The following OSBPL8 variants were observed in gnomAD, a reference collection of about 807,000 sequenced individuals.
OSBPL8 encodes the protein oxysterol binding protein like 8, also known as oxysterol-binding protein-related protein 8.
In OSBPL8, 59 loss-of-function variants were observed where a neutral mutation model predicts 125.5. The observed-to-expected ratio is 0.47, with a 90% CI of 0.38 to 0.58. The LOEUF (loss-of-function observed/expected upper bound fraction) is 0.58. Ranked by LOEUF, OSBPL8 falls within the 20% of genes least tolerant of loss-of-function variation. The probability of loss-of-function intolerance (pLI) is 0.00; values close to 1 mark genes in which losing one functional copy is unlikely to be tolerated. For missense variants in OSBPL8, 758 were observed against 1,047.8 expected (o/e 0.72, Z 3.82); for synonymous variants, 330 against 338.9 (o/e 0.97, Z 0.29).
chr12:76,435,551 T>A (rs1871347320), intron 4 of OSBPL8, among the ~76,000 whole-genome samples: 1 of 152,088 alleles, frequency 6.6e-6, no homozygotes. Context: ...TCACAACACA[T>A]GCCAAAAAAT....
chr12:76,391,392 C>A (rs1224544627), intron 10 of OSBPL8, among the ~76,000 whole-genome samples: 2 of 152,106 alleles, frequency 1.3e-5, no homozygotes, highest in African/African-American at 4.8e-5. Flanking sequence ...AACAAATACC[C>A]ATTCCTCTAT....
At chr12:76,412,513 G>C (rs1868271797) in intron 4 of OSBPL8, among the ~76,000 whole-genome samples, 1 of 151,920 alleles carries the variant, frequency 6.6e-6, no homozygotes, top group South Asian at 2.1e-4. Flanking sequence ...ATGCCACCTA[G>C]TCTATATCCC....
intron 4 of OSBPL8, among the ~76,000 whole-genome samples, chr12:76,431,197 T>C (rs1007993295): frequency 2.6e-5 from 4 of 151,488 alleles, no homozygotes; most frequent in Non-Finnish European, 4.4e-5. Flanking sequence ...GCTATAACTA[T>C]AAAATGTTTT....
At chr12:76,370,618 T>C (rs756785452) in intron 19 of OSBPL8, among the ~76,000 whole-genome samples, 4 of 152,170 alleles carry the variant, frequency 2.6e-5, no homozygotes, top group African/African-American at 4.8e-5. Flanking sequence ...CAAATTATCA[T>C]ATGTATGCCT....
Position 76,397,722 on chromosome 12 carries a change from G to C in OSBPL8, c.644C>G (p.Pro215Arg). ...CACTGCCCAAATAGATTGCTCCAAA[G>C]GATGGAAAAGTTTGAAACAAAAGCC... ...KDGFCFKLFH[P>R]LEQSIWAVKG... is the part of the protein sequence containing the mutation. The change falls in exon 8 of 24, where the codon CCT (proline) becomes CGT (arginine). Residue 215 changes from proline (P) to arginine (R), a missense_variant. Around this residue, in one of 3 missense-constraint regions of OSBPL8, gnomAD observed 69 missense variants for 148.7 expected, o/e 0.46. Coordinates refer to ENST00000261183, the MANE Select transcript of OSBPL8 (RefSeq NM_020841.5). The C allele has an allele frequency of 6.2e-7, 1 of 1,614,000 alleles. No individual in the cohort carries two copies. The highest frequency in any genetic ancestry group is 8.5e-7 in the Non-Finnish European group (1 of 1,179,974).
intron 21 of OSBPL8, among the ~76,000 whole-genome samples, chr12:76,365,774 C>T (rs999346961): frequency 2.0e-5 from 3 of 152,074 alleles, no homozygotes; most frequent in African/African-American, 7.2e-5. Flanking sequence ...TCTTCTCTTC[C>T]TAGATTTATG....
At chr12:76,381,047 T>C (rs1953026382) in intron 15 of OSBPL8, among the ~76,000 whole-genome samples, 1 of 152,164 alleles carries the variant, frequency 6.6e-6, no homozygotes, top group Non-Finnish European at 1.5e-5. Context: ...TAAACCAACC[T>C]TGTATTCCTG....
At chr12:76,501,059 ATTAT>A (rs1879846849) in intron 1 of OSBPL8, among the ~76,000 whole-genome samples, 1 of 151,484 alleles carries the variant, frequency 6.6e-6, no homozygotes, top group East Asian at 1.9e-4. Context: ...GTGATTTGTA[ATTAT>A]TTATTGAGTA....
intron 1 of OSBPL8, among the ~76,000 whole-genome samples, chr12:76,512,324 A>T (rs1388040100): frequency 6.6e-6 from 1 of 152,202 alleles, no homozygotes; most frequent in Admixed American, 6.5e-5. Flanking sequence ...TTATGGCTGT[A>T]TAATATTCCA....
At chr12:76,413,927 A>C (rs1379898489) in intron 4 of OSBPL8, among the ~76,000 whole-genome samples, 1 of 152,098 alleles carries the variant, frequency 6.6e-6, no homozygotes, top group Non-Finnish European at 1.5e-5. Context: ...AAGAGCTTTT[A>C]ATTTTCATGT....
intron 5 of OSBPL8, among the ~76,000 whole-genome samples, chr12:76,405,381 C>A (rs1202471501): frequency 1.3e-5 from 2 of 152,050 alleles, no homozygotes; most frequent in Non-Finnish European, 2.9e-5. Flanking sequence ...ATCACCCGAG[C>A]CTAGGAGTTT....
chr12:76,356,080 C>T, intron 23 of OSBPL8, 59 bp from the exon 24 acceptor site: 3 of 1,425,894 alleles, frequency 2.1e-6, no homozygotes, highest in Non-Finnish European at 2.9e-6. Flanking sequence ...TGGCATAGAG[C>T]CCACAATTTG....
At chr12:76,450,526 TAAAC>T (rs1873254339) in intron 4 of OSBPL8, among the ~76,000 whole-genome samples, 1 of 152,020 alleles carries the variant, frequency 6.6e-6, no homozygotes, top group African/African-American at 2.4e-5. Flanking sequence ...ATAACTCACA[TAAAC>T]AAAAGCACTT....
chr12:76,487,762 C>T (rs1185323331), intron 1 of OSBPL8, 144 bp from the exon 2 acceptor site: 1 of 401,854 alleles, frequency 2.5e-6, no homozygotes, highest in African/African-American at 2.1e-5. Context: ...TTGACATGGG[C>T]TTGAAGAATG....
At chr12:76,514,564 C>T (rs959979329) in intron 1 of OSBPL8, among the ~76,000 whole-genome samples, 1 of 152,166 alleles carries the variant, frequency 6.6e-6, no homozygotes, top group African/African-American at 2.4e-5. Context: ...GTTGCCTTTG[C>T]AGATGACCTA....
At chr12:76,535,479 G>C (rs937847537) in intron 1 of OSBPL8, among the ~76,000 whole-genome samples, 1 of 152,114 alleles carries the variant, frequency 6.6e-6, no homozygotes, top group Non-Finnish European at 1.5e-5. Flanking sequence ...GAGAAGGGGA[G>C]CAACTGGAAC....
At chr12:76,439,357 C>T (rs1472411369) in intron 4 of OSBPL8, among the ~76,000 whole-genome samples, 38 of 151,070 alleles carry the variant, frequency 2.5e-4, no homozygotes, top group African/African-American at 8.5e-4. Flanking sequence ...CCAGCCTGGG[C>T]GACAGAGTGA....
At chr12:76,468,055 C>T (rs1398277987) in intron 2 of OSBPL8, among the ~76,000 whole-genome samples, 3 of 151,980 alleles carry the variant, frequency 2.0e-5, no homozygotes, top group African/African-American at 7.3e-5. Context: ...AATAGTTTAC[C>T]TGAGTATTGT....
intron 1 of OSBPL8, among the ~76,000 whole-genome samples, chr12:76,506,854 A>G (rs750656832): frequency 1.4e-4 from 22 of 152,206 alleles, no homozygotes; most frequent in Non-Finnish European, 2.9e-4. Context: ...AGAATAGGGA[A>G]GCATTTTTTA....
Sources: allele counts gnomAD v4.1 joint callset (sites outside exome capture counted in the v4.1 genomes callset), GRCh38; gene constraint gnomAD v4.1.1; regional missense constraint gnomAD v4.1.1; transcripts MANE v1.5; gene names NCBI Gene and HGNC (gene_info 2026-07-23, HGNC 2026-07-21).